COA6: variants seen among roughly 807,000 people sequenced by gnomAD.
The protein encoded by COA6 is cytochrome c oxidase assembly factor 6.
Under a neutral mutation model 17.1 loss-of-function variants are expected in COA6, and 12 were observed. The ratio of observed to expected loss-of-function variants is 0.70; its 90% confidence interval spans 0.45 to 1.14. The LOEUF (loss-of-function observed/expected upper bound fraction) is 1.14, where lower values mean the gene tolerates loss of function less well. Among genes scored for constraint, COA6 ranks in the 50% most tolerant of loss-of-function variants. The probability of loss-of-function intolerance (pLI) is 0.00; values close to 1 mark genes in which losing one functional copy is unlikely to be tolerated. For missense variants in COA6, 246 were observed against 196.5 expected (o/e 1.25, Z -1.51); for synonymous variants, 90 against 73.4 (o/e 1.23, Z -1.16).
intron 2 of COA6, among the ~76,000 whole-genome samples, chr1:234,379,004 ATTTTTTTTTT>A (rs377669777): frequency 7.3e-6 from 1 of 136,434 alleles, no homozygotes; most frequent in Admixed American, 7.5e-5. Context: ...TACTTTTTTA[ATTTTTTTTTT>A]TTTTTTTTTT....
chr1:234,375,061 G>A (rs1226244372), intron 2 of COA6, among the ~76,000 whole-genome samples: 4 of 151,614 alleles, frequency 2.6e-5, no homozygotes, highest in African/African-American at 4.9e-5. Flanking sequence ...AGGCTGAGGC[G>A]GGCAGATCAC....
intron 2 of COA6, among the ~76,000 whole-genome samples, chr1:234,382,972 A>C (rs2103019360): frequency 7.0e-6 from 1 of 142,880 alleles, no homozygotes; most frequent in East Asian, 2.3e-4. Context: ...GCTCCACTGC[A>C]CTCCAGCCTG....
chr1:234,377,357 C>A (rs1165969822), intron 2 of COA6, among the ~76,000 whole-genome samples: 1 of 152,016 alleles, frequency 6.6e-6, no homozygotes, highest in Non-Finnish European at 1.5e-5. Flanking sequence ...GAACTCCTGA[C>A]CTCTTGTTCC....
At chr1:234,374,106 G>GTTTTTTTTTTT in intron 1 of COA6, 124 bp from the exon 2 acceptor site, 1 of 997,664 alleles carries the variant, frequency 1.0e-6, no homozygotes, top group East Asian at 2.7e-5. Context: ...GTTTTGTTTT[G>GTTTTTTTTTTT]TTTTTGTTTT....
At chr1:234,374,711 G>T (rs1658738619) in intron 2 of COA6, among the ~76,000 whole-genome samples, 1 of 152,096 alleles carries the variant, frequency 6.6e-6, no homozygotes, top group Non-Finnish European at 1.5e-5. Context: ...GGCAGGAGTT[G>T]GCAAAATTAT....
chr1:234,381,869 A>G (rs1658982501), intron 2 of COA6, among the ~76,000 whole-genome samples: 1 of 152,226 alleles, frequency 6.6e-6, no homozygotes, highest in Non-Finnish European at 1.5e-5. Context: ...CTCTAAATGG[A>G]GTTGTCTTAG....
chr1:234,383,821 T>C lies in COA6; in HGVS notation c.*3T>C. 1 of 1,484,098 alleles carries C rather than the reference T, an allele frequency of 6.7e-7. No individual in the cohort carries two copies. Among genetic ancestry groups the C allele is most frequent in the Admixed American group, 1.8e-5 (1 of 54,574 alleles). 91.9% of individuals were successfully genotyped at this position (1,484,098 alleles called of 1,614,324 possible). On this transcript the variant is annotated 3_prime_UTR_variant, in exon 3 of 3. Transcript: ENST00000366615. ...CAGAAACAACTGCAAAATCCTAGGC[T>C]GTTCATAAAGATTGAAAGTATTCTT...
intron 2 of COA6, among the ~76,000 whole-genome samples, chr1:234,382,215 G>A (rs997411155): frequency 6.6e-6 from 1 of 152,214 alleles, no homozygotes; most frequent in Admixed American, 6.5e-5. Context: ...ATCGAAAAGT[G>A]GACCAGGGTT....
chr1:234,382,829 A>C (rs1659012268), intron 2 of COA6, among the ~76,000 whole-genome samples: 2 of 151,928 alleles, frequency 1.3e-5, no homozygotes, highest in Non-Finnish European at 1.5e-5. Flanking sequence ...AGATGGCAAA[A>C]CCCCATCACT....
In COA6 at chr1:234,383,865, T is replaced by A; in HGVS notation, c.*47T>A. The A allele has an allele frequency of 2.1e-6, 2 of 931,360 alleles. No homozygotes were observed. The allele number at this position is 931,360 out of a possible 1,614,324, so 57.7% of individuals were successfully genotyped here. A position where few individuals can be genotyped will look rare whatever the true frequency, so the allele number is the denominator to read the frequency against. ...TATTCTTTCTGGACATTGAAAAAGC[T>A]CCACTGACTATGGAACAGTAATAGT... On this transcript the variant is annotated 3_prime_UTR_variant, in exon 3 of 3. Coordinates refer to ENST00000366615, the MANE Select transcript of COA6 (RefSeq NM_001206641.3).
Position 234,377,064 on chromosome 1 carries a change from G to A in COA6, c.372+2675G>A, listed in dbSNP as rs61824512. Among the ~76,000 whole-genome samples, 72 of 32,262 alleles carry A rather than the reference G, an allele frequency of 2.2e-3. 1 individual carries two copies. Among genetic ancestry groups the A allele is most frequent in the Admixed American group, 7.5e-3 (21 of 2,794 alleles). The allele number at this position is 32,262 out of a possible 152,430, so 21.2% of individuals were successfully genotyped here. On this transcript the variant is annotated intron_variant, in intron 2 of 2. Coordinates refer to ENST00000366615, the MANE Select transcript of COA6 (RefSeq NM_001206641.3). ...CTACCTTCTTGCTGTGTTGCCGAGA[G>A]AGAGAGAGAGAGAGAGAGAGAGAGA...
At chr1:234,378,883 GA>G (rs1253278434) in intron 2 of COA6, among the ~76,000 whole-genome samples, 2 of 149,628 alleles carry the variant, frequency 1.3e-5, no homozygotes, top group African/African-American at 2.5e-5. Flanking sequence ...TTTTCTTTTT[GA>G]AAAAAACAAA....
intron 2 of COA6, among the ~76,000 whole-genome samples, chr1:234,375,555 A>G (rs538705675): frequency 3.4e-4 from 51 of 152,210 alleles, no homozygotes; most frequent in Non-Finnish European, 6.5e-4. Context: ...AAACCTTTAA[A>G]AGGCTCTGAA....
intron 1 of COA6, 22 bp from the exon 2 acceptor site, chr1:234,374,208 C>T: frequency 1.3e-6 from 2 of 1,594,478 alleles, no homozygotes; most frequent in Non-Finnish European, 1.7e-6. Flanking sequence ...TTGTTAATCT[C>T]AAATATTATT....
chr1:234,377,918 A>G (rs551847061), intron 2 of COA6, among the ~76,000 whole-genome samples: 1 of 152,244 alleles, frequency 6.6e-6, no homozygotes, highest in Non-Finnish European at 1.5e-5. Context: ...GTACCTATAA[A>G]ACTCACCCGT....
At chr1:234,381,416 G>A (rs1476684474) in intron 2 of COA6, among the ~76,000 whole-genome samples, 1 of 152,210 alleles carries the variant, frequency 6.6e-6, no homozygotes, top group Non-Finnish European at 1.5e-5. Context: ...AAGACGCGCA[G>A]GAAATGAGCA....
Position 234,374,345 on chromosome 1 carries a change from A to C in COA6, c.328A>C (p.Lys110Gln), listed in dbSNP as rs1181488139. ...DENLEDASQCKKLRSSFESSC... is the reference protein window; with the variant it reads ...DENLEDASQCQKLRSSFESSC... ...GAACTTAGAGGATGCTTCTCAATGCAAGAAGTTAAGAAGCTCTTTCGAATC... is the reference window on the plus strand; with the variant it reads ...GAACTTAGAGGATGCTTCTCAATGCCAGAAGTTAAGAAGCTCTTTCGAATC... Residue 110 changes from lysine to glutamine, a missense_variant, in exon 2 of 3, where the codon AAG becomes CAG. Coordinates refer to ENST00000366615, the MANE Select transcript of COA6 (RefSeq NM_001206641.3). 3 of 1,614,116 alleles carry C rather than the reference A, an allele frequency of 1.9e-6. No homozygotes were observed. The highest frequency in any genetic ancestry group is 1.3e-5 in the African/African-American group (1 of 75,036).
rs1658676533 is a variant in COA6, at chr1:234,373,593, C to T, written c.127C>T (p.Arg43Cys). Residue 43 changes from arginine to cysteine, a missense_variant, in exon 1 of 3, where the codon CGC (arginine) becomes TGC (cysteine). Coordinates refer to ENST00000366615, the MANE Select transcript of COA6 (RefSeq NM_001206641.3). ...GRPCSGRTRH[R>C]ALHRRLVACV... ...ACCCTGCAGTGGCAGGACTCGGCAC[C>T]GCGCCCTCCACCGCCGGTTGGTGGC... 1 of 1,612,366 alleles carries T rather than the reference C, an allele frequency of 6.2e-7. No homozygotes were observed. The highest frequency in any genetic ancestry group is 8.5e-7 in the Non-Finnish European group (1 of 1,179,486).
At chr1:234,374,206 C>T in intron 1 of COA6, 24 bp from the exon 2 acceptor site, 1 of 1,584,950 alleles carries the variant, frequency 6.3e-7, no homozygotes, top group Non-Finnish European at 8.6e-7. Context: ...CATTGTTAAT[C>T]TCAAATATTA....
Sources: allele counts gnomAD v4.1 joint callset (sites outside exome capture counted in the v4.1 genomes callset), GRCh38; gene constraint gnomAD v4.1.1; transcripts MANE v1.5; gene names NCBI Gene and HGNC (gene_info 2026-07-23, HGNC 2026-07-21).